U2SURP: variants seen among roughly 807,000 people sequenced by gnomAD.
U2SURP encodes the protein U2 snRNP associated SURP domain containing.
U2SURP carries 9 observed loss-of-function variants against 144.9 expected under a neutral mutation model. The ratio of observed to expected loss-of-function variants is 0.06; its 90% CI spans 0.04 to 0.11. The LOEUF is 0.11. Among genes scored for constraint, U2SURP ranks in the 10% least tolerant of loss-of-function variants. The pLI is 1.00. For missense variants in U2SURP, 724 were observed against 1,226.7 expected, an observed-to-expected ratio of 0.59 and a Z score of 6.12; for synonymous variants, 408 against 396.8, an observed-to-expected ratio of 1.03 and a Z score of -0.33.
intron 27 of U2SURP, 91 bp from the exon 28 acceptor site, chr3:143,056,221 C>G (rs2108323427): frequency 1.5e-6 from 2 of 1,353,554 alleles, no homozygotes; most frequent in South Asian, 1.5e-5. Context: ...TCACTGTGCC[C>G]TGTTAAAGAT....
At chr3:143,006,695 T>A (rs370518448) in intron 1 of U2SURP, among the ~76,000 whole-genome samples, 1 of 152,008 alleles carries the variant, frequency 6.6e-6, no homozygotes, top group East Asian at 1.9e-4. Context: ...AGAGCCGAGA[T>A]CATGCCATTG....
At chr3:143,020,715 G>A (rs1477394431) in intron 8 of U2SURP, 22 bp downstream of exon 8, 9 of 1,559,514 alleles carry the variant, frequency 5.8e-6, no homozygotes, top group South Asian at 1.1e-5. Flanking sequence ...TTATTTTAAT[G>A]TGTATGCTTG....
intron 23 of U2SURP, among the ~76,000 whole-genome samples, chr3:143,041,502 A>T (rs1934102015): frequency 6.6e-6 from 1 of 152,106 alleles, no homozygotes; most frequent in South Asian, 2.1e-4. Context: ...TTAGTAAAAT[A>T]TTTTAGTAAT....
chr3:143,034,869 T>C lies in U2SURP; in HGVS notation c.1854-19T>C. On this transcript the variant is annotated intron_variant, in intron 18 of 27. Coordinates refer to ENST00000473835, the MANE Select transcript of U2SURP (RefSeq NM_001080415.2). ...ATTTTAAACATTTTATTTTAAAGAA[T>C]GTGTTATTTGAATTTCAGTTTTGAA... 1 of 1,483,474 alleles carries C rather than the reference T, an allele frequency of 6.7e-7. No individual in the cohort carries two copies. Among genetic ancestry groups the C allele is most frequent in the Non-Finnish European group, 9.3e-7 (1 of 1,074,938 alleles). The allele number at this position is 1,483,474 out of a possible 1,614,324, so 91.9% of individuals were successfully genotyped here.
In U2SURP at chr3:143,012,222, A is replaced by G. The variant is rs1367385421; in HGVS notation, c.91A>G (p.Met31Val). The G allele has an allele frequency of 2.5e-6, 4 of 1,607,500 alleles. No individual in the cohort carries two copies. Among genetic ancestry groups the G allele is most frequent in the South Asian group, 1.1e-5 (1 of 90,044 alleles). ...VHSSGSSDAH[M>V]DASGPSDSDM... is the part of the protein sequence containing the mutation. ...TTCTCTTGTTTTACTTTTCCTGAAG[A>G]TGGATGCATCTGGACCCTCAGATAG... The change falls in exon 3 of 28, where the codon ATG (methionine) becomes GTG (valine). Residue 31 changes from methionine to valine, a missense_variant and splice_region_variant. Met to Val is a conservative substitution (Grantham distance 21). Transcript: ENST00000473835.
At chr3:143,050,718 G>A (rs1209375740) in intron 24 of U2SURP, among the ~76,000 whole-genome samples, 1 of 152,158 alleles carries the variant, frequency 6.6e-6, no homozygotes, top group African/African-American at 2.4e-5. Context: ...CAGCCATGAA[G>A]CACGGTTCAC....
chr3:143,054,507 TGATA>T (rs1169697579), intron 26 of U2SURP, among the ~76,000 whole-genome samples: 3 of 152,204 alleles, frequency 2.0e-5, no homozygotes, highest in Non-Finnish European at 4.4e-5. Flanking sequence ...ATAGTATAAT[TGATA>T]GTTACCCTTC....
At position 143,003,226 on chromosome 3, in the gene U2SURP, T is replaced by G. The variant is rs140852407; in HGVS notation, c.45+1553T>G. Among the ~76,000 whole-genome samples the G allele has an allele frequency of 6.1e-3, 934 of 152,352 alleles. 5 individuals are homozygous for G. The highest frequency in any genetic ancestry group is 0.034 in the Middle Eastern group (10 of 294). On this transcript the variant is annotated intron_variant, in intron 1 of 27. Transcript: ENST00000473835. ...ATCCAGTAATCTTTTCTGTTTATAT[T>G]GCCTTAGATTATAATCTCTTGATGC...
chr3:143,004,227 T>A (rs1255243252), intron 1 of U2SURP, among the ~76,000 whole-genome samples: 1 of 152,164 alleles, frequency 6.6e-6, no homozygotes, highest in African/African-American at 2.4e-5. Flanking sequence ...TGGATAGGGA[T>A]GCTTATTATA....
chr3:143,013,199 T>G (rs1936200584), intron 3 of U2SURP, among the ~76,000 whole-genome samples: 2 of 152,044 alleles, frequency 1.3e-5, no homozygotes, highest in South Asian at 4.1e-4. Context: ...AATTTGAGCA[T>G]GGTAATTTTT....
chr3:143,024,409 T>TA (rs1933007637), intron 13 of U2SURP: 1 of 390,284 alleles, frequency 2.6e-6, no homozygotes, highest in Non-Finnish European at 4.9e-6. Flanking sequence ...TATCTGCATT[T>TA]AATATATAAC....
At chr3:143,012,895 A>G (rs1936188659) in intron 3 of U2SURP, among the ~76,000 whole-genome samples, 1 of 152,160 alleles carries the variant, frequency 6.6e-6, no homozygotes, top group Non-Finnish European at 1.5e-5. Context: ...TCTTGTGGTT[A>G]AATTTGTAAC....
At chr3:143,040,431 A>G (rs1222415934) in intron 23 of U2SURP, among the ~76,000 whole-genome samples, 1 of 151,910 alleles carries the variant, frequency 6.6e-6, no homozygotes, top group Non-Finnish European at 1.5e-5. Flanking sequence ...GATCCTTGAA[A>G]TGTTCTCATG....
intron 3 of U2SURP, 125 bp downstream of exon 3, chr3:143,012,478 A>C (rs896168211): frequency 2.1e-6 from 2 of 944,246 alleles, no homozygotes; most frequent in East Asian, 6.0e-5. Flanking sequence ...ATTTGAAAAT[A>C]GCATTCTTTT....
chr3:143,057,096 A>G lies in U2SURP; in HGVS notation c.*646A>G, dbSNP rs970567645. ...TACCCAGATATCAAAGACTAGGTAG[A>G]TATGGCATGGCGTTTTGTTAGTGGA... On this transcript the variant is annotated 3_prime_UTR_variant, in exon 28 of 28. Coordinates refer to ENST00000473835, the MANE Select transcript of U2SURP (RefSeq NM_001080415.2). The G allele has an allele frequency of 2.6e-5, 4 of 152,404 alleles. No homozygotes were observed. Among genetic ancestry groups the G allele is most frequent in the Non-Finnish European group, 4.4e-5 (3 of 67,934 alleles). 9.4% of individuals were successfully genotyped at this position (152,404 alleles called of 1,614,324 possible).
intron 9 of U2SURP, 30 bp from the exon 10 acceptor site, chr3:143,021,443 G>T (rs1264955704): frequency 1.9e-6 from 3 of 1,611,800 alleles, no homozygotes; most frequent in East Asian, 2.2e-5. Flanking sequence ...TGTTTTGCAG[G>T]TTATAATTCT....
At chr3:143,050,874 G>T in intron 24 of U2SURP, 65 bp from the exon 25 acceptor site, 1 of 1,141,904 alleles carries the variant, frequency 8.8e-7, no homozygotes, top group Non-Finnish European at 1.3e-6. Flanking sequence ...TAGAAAAGAA[G>T]CAAAACAGTG....
Position 143,055,130 on chromosome 3 carries a change from G to T in U2SURP, c.2951+11G>T. 6.4e-7 allele frequency: 1 copy of T among 1,556,874 alleles called. No individual in the cohort carries two copies. Among genetic ancestry groups the T allele is most frequent in the Non-Finnish European group, 8.6e-7 (1 of 1,157,704 alleles). On this transcript the variant is annotated intron_variant, in intron 27 of 27. Transcript: ENST00000473835. ...CAAAAAAGCCAAAAGGTAAATGCAA[G>T]TCATTTTTGCTAATATTTCAGATAC...
rs755573720 is a variant in U2SURP at position 143,033,362 on chromosome 3, G to A, written c.1853+12G>A. 4.1e-5 allele frequency: 52 copies of A among 1,275,672 alleles called. No individual in the cohort carries two copies. The highest frequency in any genetic ancestry group is 5.7e-5 in the Non-Finnish European group (51 of 902,076). The allele number at this position is 1,275,672 out of a possible 1,614,324, so 79.0% of individuals were successfully genotyped here. A position where few individuals can be genotyped will look rare whatever the true frequency, so the allele number is the denominator to read the frequency against. ...TATTATAGAAAATTGTAAGTATAAT[G>A]ATATAACTGATATTCCTGAAATAAA... On this transcript the variant is annotated intron_variant, in intron 18 of 27. Transcript: ENST00000473835.
Sources: allele counts gnomAD v4.1 joint callset (sites outside exome capture counted in the v4.1 genomes callset), GRCh38; gene constraint gnomAD v4.1.1; transcripts MANE v1.5; gene names NCBI Gene and HGNC (gene_info 2026-07-23, HGNC 2026-07-21).